DCDC1: variants seen among roughly 807,000 people sequenced by gnomAD.
The protein encoded by DCDC1 is doublecortin domain-containing protein 1.
A neutral mutation model predicts 178.3 loss-of-function variants in DCDC1; 200 were observed. The observed-to-expected ratio is 1.12, with a 90% CI of 1.00 to 1.26. The LOEUF is 1.26. Ranked by LOEUF, DCDC1 falls within the 50% of genes most tolerant of loss-of-function variation. The pLI is 0.00. For synonymous variants in DCDC1, 690 were observed against 604.8 expected, an observed-to-expected ratio of 1.14 and a Z score of -2.07; for missense variants, 1,983 against 1,749.2, an observed-to-expected ratio of 1.13 and a Z score of -2.38.
At chr11:31,041,349 G>T (rs1954434886) in intron 20 of DCDC1, among the ~76,000 whole-genome samples, 1 of 152,190 alleles carries the variant, frequency 6.6e-6, no homozygotes, top group Non-Finnish European at 1.5e-5. Flanking sequence ...TAACTGTTCT[G>T]CTGAGCACTA....
intron 9 of DCDC1, among the ~76,000 whole-genome samples, chr11:31,176,300 A>T (rs916489281): frequency 1.3e-5 from 2 of 152,204 alleles, no homozygotes; most frequent in African/African-American, 2.4e-5. Context: ...GAGCAAGCAG[A>T]ATAAGTAATT....
At chr11:30,867,923 G>A (rs559041658) in intron 38 of DCDC1, among the ~76,000 whole-genome samples, 4 of 152,268 alleles carry the variant, frequency 2.6e-5, no homozygotes, top group Admixed American at 2.6e-4. Context: ...GGATGTAGCA[G>A]CTTATATGGT....
chr11:31,270,730 T>C (rs906061013), intron 7 of DCDC1, among the ~76,000 whole-genome samples: 13 of 152,120 alleles, frequency 8.5e-5, no homozygotes, highest in African/African-American at 3.1e-4. Flanking sequence ...TCCCCAACCC[T>C]CTTATTGAAC....
chr11:30,875,074 A>G (rs985227857), intron 38 of DCDC1, among the ~76,000 whole-genome samples: 4 of 152,158 alleles, frequency 2.6e-5, no homozygotes, highest in Non-Finnish European at 5.9e-5. Flanking sequence ...GACAGCCTTG[A>G]TAGTAGTTTC....
intron 1 of DCDC1, among the ~76,000 whole-genome samples, chr11:31,356,706 A>G (rs1399197321): frequency 6.6e-6 from 1 of 150,888 alleles, no homozygotes; most frequent in Non-Finnish European, 1.5e-5. Flanking sequence ...TAATAAAGAA[A>G]AAAAGAGAGA....
intron 3 of DCDC1, 94 bp from the exon 4 acceptor site, chr11:31,308,002 A>G: frequency 2.0e-6 from 3 of 1,490,002 alleles, no homozygotes; most frequent in Non-Finnish European, 2.7e-6. Context: ...GCTATGTGCT[A>G]CACAAAATAC....
At chr11:31,347,062 G>A (rs1056193706) in intron 1 of DCDC1, among the ~76,000 whole-genome samples, 1 of 152,166 alleles carries the variant, frequency 6.6e-6, no homozygotes, top group Admixed American at 6.5e-5. Flanking sequence ...TTTCAAAATT[G>A]TATTAGAGAG....
chr11:31,103,573 C>T (rs977311803), intron 14 of DCDC1, 71 bp downstream of exon 14: 1 of 645,234 alleles, frequency 1.5e-6, no homozygotes, highest in East Asian at 2.6e-5. Context: ...ATCTCTTACT[C>T]TGAAAAATCC....
In DCDC1 at chr11:30,905,815, G is replaced by T. The variant is rs545545583; in HGVS notation, c.4105-651C>A. Among the ~76,000 whole-genome samples the T allele has an allele frequency of 1.1e-4, 17 of 152,256 alleles. No homozygotes were observed. The East Asian group carries it at 2.5e-3, about 23-fold the overall frequency. On this transcript the variant is annotated intron_variant, in intron 30 of 38. Transcript: ENST00000684477. The stretch of plus-strand genomic sequence containing the variant: ...ACTTCCTTTCTCCTTCAGAGCTATT[G>T]CTTCTGTTGATGTTTTTTGTAACCG...
At chr11:31,016,846 T>G (rs563848257) in intron 20 of DCDC1, among the ~76,000 whole-genome samples, 5 of 152,196 alleles carry the variant, frequency 3.3e-5, no homozygotes, top group Non-Finnish European at 7.4e-5. Context: ...CACCAGGTGA[T>G]TCTAATATGC....
chr11:31,077,802 C>T (rs900577607), intron 18 of DCDC1, 63 bp downstream of exon 18: 4 of 745,836 alleles, frequency 5.4e-6, no homozygotes, highest in Middle Eastern at 2.3e-4. Context: ...AGATAGTACC[C>T]TTTATAAGAA....
chr11:31,118,587 A>T (rs1960325479), intron 11 of DCDC1, among the ~76,000 whole-genome samples: 1 of 152,206 alleles, frequency 6.6e-6, no homozygotes, highest in Non-Finnish European at 1.5e-5. Flanking sequence ...TGAACATATC[A>T]AACACTCCGT....
At chr11:31,087,198 T>G (rs1241866101) in intron 17 of DCDC1, among the ~76,000 whole-genome samples, 8 of 152,146 alleles carry the variant, frequency 5.3e-5, no homozygotes, top group Non-Finnish European at 1.0e-4. Context: ...TATCATCCCT[T>G]TAATAACTGC....
Position 30,986,493 on chromosome 11 carries a change from C to G in DCDC1, c.2592-33925G>C, listed in dbSNP as rs1176725434. On this transcript the variant is annotated intron_variant, in intron 20 of 38. Transcript: ENST00000684477. ...GACTACAGGCACACACCACCATGCC[C>G]AGCTAATTTTTGTATTTTTAGTAGA... is the stretch of plus-strand genomic sequence containing the variant. Among the ~76,000 whole-genome samples the G allele has an allele frequency of 9.9e-5, 15 of 151,962 alleles. No homozygotes were observed. In the East Asian group the frequency reaches 2.9e-3, roughly 29 times the overall value.
chr11:31,216,788 C>A (rs1049231375), intron 9 of DCDC1, among the ~76,000 whole-genome samples: 1 of 152,080 alleles, frequency 6.6e-6, no homozygotes, highest in East Asian at 1.9e-4. Flanking sequence ...TAAAAGATCT[C>A]CCTCATTTTC....
chr11:31,292,640 G>C (rs538686163), intron 6 of DCDC1, among the ~76,000 whole-genome samples: 1 of 152,224 alleles, frequency 6.6e-6, no homozygotes, highest in East Asian at 1.9e-4. Flanking sequence ...AGCTTAATGG[G>C]TAAGGGGTTT....
intron 9 of DCDC1, among the ~76,000 whole-genome samples, chr11:31,239,710 C>A (rs1247218635): frequency 6.6e-6 from 1 of 151,754 alleles, no homozygotes; most frequent in East Asian, 1.9e-4. Context: ...ATGTTGAAAT[C>A]TTTACAGACT....
chr11:30,914,531 C>T (rs1945684161), intron 27 of DCDC1, among the ~76,000 whole-genome samples: 1 of 151,946 alleles, frequency 6.6e-6, no homozygotes, highest in Non-Finnish European at 1.5e-5. Context: ...TCCCTGGAGG[C>T]CCACCATATC....
At chr11:31,292,957 G>T (rs1335386860) in intron 6 of DCDC1, among the ~76,000 whole-genome samples, 1 of 152,000 alleles carries the variant, frequency 6.6e-6, no homozygotes, top group African/African-American at 2.4e-5. Flanking sequence ...TGGTGAAAGG[G>T]TATTAACTCT....
Sources: gnomAD v4.1 joint callset for allele counts (sites outside exome capture counted in the v4.1 genomes callset) on GRCh38, gnomAD v4.1.1 for gene constraint, MANE v1.5 for transcripts, NCBI Gene and HGNC (gene_info 2026-07-23, HGNC 2026-07-21) for gene names.